CALN1: variants seen among roughly 807,000 people sequenced by gnomAD.
CALN1 encodes the protein calneuron 1.
CALN1 carries 17 observed loss-of-function variants against 30.6 expected under a neutral mutation model. The ratio of observed to expected loss-of-function variants is 0.56; its 90% confidence interval spans 0.38 to 0.83. CALN1 has a LOEUF of 0.83. CALN1 is among the 40% of genes least tolerant of loss of function. The pLI is 0.00. For synonymous variants in CALN1, 156 were observed against 131.4 expected, an observed-to-expected ratio of 1.19 and a Z score of -1.28; for missense variants, 291 against 354.9, an observed-to-expected ratio of 0.82 and a Z score of 1.45.
At chr7:72,296,618 C>T (rs1331513111) in intron 2 of CALN1, among the ~76,000 whole-genome samples, 14 of 133,954 alleles carry the variant, frequency 1.0e-4, no homozygotes, top group South Asian at 2.6e-4. Context: ...GGAATTTATC[C>T]ATTTCTTCTA....
At chr7:71,972,525 T>C (rs982472522) in intron 5 of CALN1, among the ~76,000 whole-genome samples, 3 of 152,110 alleles carry the variant, frequency 2.0e-5, no homozygotes, top group Admixed American at 1.3e-4. Context: ...AGACCTAAAG[T>C]GGGATAATTT....
chr7:71,927,654 C>T (rs1271017571), intron 5 of CALN1, among the ~76,000 whole-genome samples: 3 of 152,166 alleles, frequency 2.0e-5, no homozygotes, highest in Non-Finnish European at 4.4e-5. Context: ...TGCTCTTCCT[C>T]TTCTCTCAGT....
intron 3 of CALN1, among the ~76,000 whole-genome samples, chr7:72,264,794 G>A (rs1399656302): frequency 3.9e-5 from 6 of 152,118 alleles, no homozygotes; most frequent in Non-Finnish European, 8.8e-5. Context: ...ATTAATCCTA[G>A]TACCCATTAG....
At chr7:71,950,157 C>T (rs1400729016) in intron 5 of CALN1, among the ~76,000 whole-genome samples, 3 of 152,172 alleles carry the variant, frequency 2.0e-5, no homozygotes, top group Non-Finnish European at 2.9e-5. Context: ...ATGCCAAGAA[C>T]CTGGACACCC....
intron 2 of CALN1, among the ~76,000 whole-genome samples, chr7:72,306,764 T>C (rs1231526256): frequency 6.6e-6 from 1 of 152,224 alleles, no homozygotes; most frequent in East Asian, 1.9e-4. Flanking sequence ...TTGATTGATG[T>C]CTCATCCCTC....
At chr7:72,278,015 G>GGGC (rs894960695) in intron 3 of CALN1, among the ~76,000 whole-genome samples, 1 of 137,716 alleles carries the variant, frequency 7.3e-6, no homozygotes, top group Non-Finnish European at 1.6e-5. Flanking sequence ...TTCCGGGGGG[G>GGGC]GGGGACTTGT....
intron 5 of CALN1, among the ~76,000 whole-genome samples, chr7:71,845,485 G>A (rs1051174793): frequency 2.0e-5 from 3 of 152,168 alleles, no homozygotes; most frequent in African/African-American, 7.2e-5. Context: ...CTTTGTTCAC[G>A]GCCCAAGCCC....
chr7:72,119,659 C>A (rs181681140), intron 3 of CALN1, among the ~76,000 whole-genome samples: 5 of 152,086 alleles, frequency 3.3e-5, no homozygotes, highest in Admixed American at 6.5e-5. Flanking sequence ...GCTGGGGAGG[C>A]CTTACAGTCA....
upstream of CALN1, among the ~76,000 whole-genome samples, chr7:72,413,259 T>C (rs1381559201): frequency 1.3e-5 from 2 of 150,228 alleles, no homozygotes; most frequent in African/African-American, 4.9e-5. Flanking sequence ...TACACACATA[T>C]ACATTCACAC....
rs189302773 is a variant in CALN1, at chr7:71,812,464, T to G, written c.502-1972A>C. Among the ~76,000 whole-genome samples the G allele has an allele frequency of 3.2e-3, 480 of 152,282 alleles. 3 individuals are homozygous for G. The highest frequency in any genetic ancestry group is 0.011 in the African/African-American group (443 of 41,568). Reference sequence around the variant, plus strand: ...TGGTAAAACTGTTGCCTGTGATACCTTGGAGGACAGGCAGATATTGAATCC... The same window carrying G: ...TGGTAAAACTGTTGCCTGTGATACCGTGGAGGACAGGCAGATATTGAATCC... On this transcript the variant is annotated intron_variant, in intron 5 of 6. Coordinates refer to ENST00000395275, the MANE Select transcript of CALN1 (RefSeq NM_031468.4).
chr7:72,404,586 G>C (rs567467837), intron 1 of CALN1, among the ~76,000 whole-genome samples: 4 of 152,110 alleles, frequency 2.6e-5, no homozygotes, highest in Non-Finnish European at 5.9e-5. Flanking sequence ...ATGGCTTCTC[G>C]CAGAAACACA....
intron 4 of CALN1, among the ~76,000 whole-genome samples, chr7:72,032,843 T>C (rs376648800): frequency 2.0e-5 from 3 of 152,120 alleles, no homozygotes; most frequent in East Asian, 1.9e-4. Context: ...CAGAAAAGAA[T>C]TGGTCTGATG....
At chr7:72,443,523 G>A (rs577570467) in intron 1 of CALN1, among the ~76,000 whole-genome samples, 38 of 151,962 alleles carry the variant, frequency 2.5e-4, no homozygotes, top group East Asian at 1.2e-3. Context: ...CCACTCCCTC[G>A]AGTGTTTCTT....
intron 2 of CALN1, among the ~76,000 whole-genome samples, chr7:72,355,597 G>A (rs536231069): frequency 6.6e-6 from 1 of 152,066 alleles, no homozygotes; most frequent in Non-Finnish European, 1.5e-5. Flanking sequence ...TGATCATTTT[G>A]ATTTCATCAA....
intron 3 of CALN1, among the ~76,000 whole-genome samples, chr7:72,209,578 C>T (rs1038892353): frequency 1.3e-5 from 2 of 150,562 alleles, no homozygotes; most frequent in Non-Finnish European, 2.9e-5. Flanking sequence ...TTTCTCTTTG[C>T]AAACAATCAA....
chr7:72,032,783 G>T (rs1474502840), intron 4 of CALN1, among the ~76,000 whole-genome samples: 2 of 152,108 alleles, frequency 1.3e-5, no homozygotes, highest in African/African-American at 4.8e-5. Flanking sequence ...CCAGGGAGGG[G>T]ATACAGGTCG....
intron 5 of CALN1, among the ~76,000 whole-genome samples, chr7:71,863,557 C>CAAAAAAAAAAAAAAAAA (rs71531769): frequency 9.3e-5 from 3 of 32,214 alleles, no homozygotes; most frequent in Non-Finnish European, 2.3e-4. Flanking sequence ...AACTCCATCT[C>CAAAAAAAAAAAAAAAAA]AAAAAAAAAA....
chr7:72,451,164 G>GAGGAGGAGGAGGAGC (rs1808648098), upstream of CALN1, among the ~76,000 whole-genome samples: 1 of 144,346 alleles, frequency 6.9e-6, no homozygotes, highest in Non-Finnish European at 1.5e-5. Context: ...GAAGGAGAAG[G>GAGGAGGAGGAGGAGC]AGGAGGAGGA....
chr7:72,040,561 A>T (rs1362970545), intron 4 of CALN1, among the ~76,000 whole-genome samples: 2 of 152,190 alleles, frequency 1.3e-5, no homozygotes, highest in Non-Finnish European at 2.9e-5. Context: ...ATCAAAGTTG[A>T]TAGGTTAATT....
Sources: gnomAD v4.1 joint callset for allele counts (sites outside exome capture counted in the v4.1 genomes callset) on GRCh38, gnomAD v4.1.1 for gene constraint, MANE v1.5 for transcripts, NCBI Gene and HGNC (gene_info 2026-07-23, HGNC 2026-07-21) for gene names.